The following GPR158 variants were observed in gnomAD, a reference collection of about 807,000 sequenced individuals.
GPR158 encodes metabotropic glycine receptor.
In GPR158, 30 loss-of-function variants were observed where a neutral mutation model predicts 78.2. The ratio of observed to expected loss-of-function variants is 0.38; its 90% CI spans 0.29 to 0.52. GPR158 has a LOEUF of 0.52. Ranked by LOEUF, GPR158 falls within the 20% of genes least tolerant of loss-of-function variation. GPR158 has a pLI of 0.83. For missense variants in GPR158, 1,463 were observed against 1,523.5 expected (o/e 0.96, Z 0.66); for synonymous variants, 581 against 591.1 (o/e 0.98, Z 0.25).
At chr10:25,200,731 T>C (rs1393423031) in intron 1 of GPR158, among the ~76,000 whole-genome samples, 1 of 152,180 alleles carries the variant, frequency 6.6e-6, no homozygotes, top group African/African-American at 2.4e-5. Flanking sequence ...TAGCCAGTTA[T>C]CTCAGCACCA....
intron 10 of GPR158, 123 bp downstream of exon 10, chr10:25,596,912 G>T: frequency 1.3e-6 from 1 of 768,816 alleles, no homozygotes; most frequent in Admixed American, 2.5e-5. Flanking sequence ...GTATGTCTCA[G>T]AAAGAGGGAA....
intron 6 of GPR158, among the ~76,000 whole-genome samples, chr10:25,564,489 G>A (rs1055277702): frequency 1.2e-4 from 19 of 152,238 alleles, no homozygotes; most frequent in Admixed American, 9.8e-4. Context: ...TAAACTTTTA[G>A]ATAAATGACA....
chr10:25,233,618 T>A lies in GPR158; in HGVS notation c.1008+12461T>A, dbSNP rs528811566. Reference sequence around the variant, plus strand: ...CAAATCATCTTTGTCTGCCACTTTTTAAAATATGTCTGTATAATGCAGTCA... The same window carrying A: ...CAAATCATCTTTGTCTGCCACTTTTAAAAATATGTCTGTATAATGCAGTCA... On this transcript the variant is annotated intron_variant, in intron 2 of 10. Transcript: ENST00000376351. 7.1e-4 allele frequency among the ~76,000 whole-genome samples: 108 copies of A among 152,368 alleles called. 2 individuals carry two copies. Among genetic ancestry groups the A allele is most frequent in the African/African-American group, 2.5e-3 (104 of 41,584 alleles).
intron 2 of GPR158, among the ~76,000 whole-genome samples, chr10:25,279,264 A>T (rs1854232999): frequency 6.6e-6 from 1 of 152,204 alleles, no homozygotes; most frequent in South Asian, 2.1e-4. Flanking sequence ...ATGTATATTA[A>T]TGGAAATTGA....
intron 5 of GPR158, among the ~76,000 whole-genome samples, chr10:25,546,448 A>G (rs1299979601): frequency 6.6e-6 from 1 of 152,112 alleles, no homozygotes; most frequent in Non-Finnish European, 1.5e-5. Context: ...CAGGCTTAAA[A>G]TATTACATTA....
chr10:25,235,059 T>C (rs1036033373), intron 2 of GPR158, among the ~76,000 whole-genome samples: 5 of 152,218 alleles, frequency 3.3e-5, no homozygotes, highest in African/African-American at 4.8e-5. Flanking sequence ...GCCCCCTGTG[T>C]AATGATATTT....
intron 2 of GPR158, among the ~76,000 whole-genome samples, chr10:25,262,250 A>G (rs111310922): frequency 0.012 from 1,774 of 152,196 alleles, 25 homozygotes; most frequent in South Asian, 0.058. Context: ...CTTTAGAGAA[A>G]ACTCACATTC....
rs185885956 is a variant in GPR158, at chr10:25,309,457, C to T, written c.1009-86454C>T. 2.4e-3 allele frequency among the ~76,000 whole-genome samples: 362 copies of T among 152,106 alleles called. 1 individual carries two copies. Among genetic ancestry groups the T allele is most frequent in the African/African-American group, 8.5e-3 (351 of 41,476 alleles). ...TTTTCTGTATATTCTGGATATAATG[C>T]ATTATTTGATATATGATTTGCAAAT... is the stretch of plus-strand genomic sequence containing the variant. On this transcript the variant is annotated intron_variant, in intron 2 of 10. Coordinates refer to ENST00000376351, the MANE Select transcript of GPR158 (RefSeq NM_020752.3).
intron 6 of GPR158, among the ~76,000 whole-genome samples, chr10:25,553,359 T>C (rs1484374127): frequency 6.6e-6 from 1 of 152,166 alleles, no homozygotes; most frequent in East Asian, 1.9e-4. Context: ...CTAGAAGTCA[T>C]TGCAGTGAAG....
At chr10:25,426,428 C>G (rs2130568978) in intron 4 of GPR158, among the ~76,000 whole-genome samples, 1 of 152,200 alleles carries the variant, frequency 6.6e-6, no homozygotes, top group South Asian at 2.1e-4. Context: ...ATATGCCTCC[C>G]TAAGTGTAAT....
chr10:25,209,879 G>A (rs1457343584), intron 1 of GPR158, among the ~76,000 whole-genome samples: 2 of 152,148 alleles, frequency 1.3e-5, no homozygotes, highest in Admixed American at 6.6e-5. Context: ...TTTCTCTGTC[G>A]TTAAAGCCCT....
intron 7 of GPR158, among the ~76,000 whole-genome samples, chr10:25,574,106 T>C (rs1288051269): frequency 7.1e-6 from 1 of 141,770 alleles, no homozygotes; most frequent in African/African-American, 2.7e-5. Context: ...CCTTGTATTC[T>C]TATGAAGCAA....
rs1249476788 is a variant in GPR158 at position 25,602,053 on chromosome 10, C to T, written c.*2779C>T. ...CTTTTGACTTCTAGCATTTAGCAACCGAGAGTCGTAGAGTCAATAAAGCTG... is the reference window on the plus strand; with the variant it reads ...CTTTTGACTTCTAGCATTTAGCAACTGAGAGTCGTAGAGTCAATAAAGCTG... On this transcript the variant is annotated 3_prime_UTR_variant, in exon 11 of 11. Coordinates refer to ENST00000376351, the MANE Select transcript of GPR158 (RefSeq NM_020752.3). The T allele has an allele frequency of 2.0e-5, 3 of 152,154 alleles. No homozygotes were observed. The highest frequency in any genetic ancestry group is 4.4e-5 in the Non-Finnish European group (3 of 67,890). The allele number at this position is 152,154 out of a possible 1,614,324, so 9.4% of individuals were successfully genotyped here. A position where few individuals can be genotyped will look rare whatever the true frequency, so the allele number is the denominator to read the frequency against.
chr10:25,277,866 C>A (rs1186901180), intron 2 of GPR158, among the ~76,000 whole-genome samples: 1 of 152,186 alleles, frequency 6.6e-6, no homozygotes, highest in East Asian at 1.9e-4. Flanking sequence ...TTTGCAACTA[C>A]AGACCTCAGG....
chr10:25,298,357 T>G (rs916241234), intron 2 of GPR158, among the ~76,000 whole-genome samples: 1 of 152,220 alleles, frequency 6.6e-6, no homozygotes, highest in African/African-American at 2.4e-5. Flanking sequence ...AACAGGTCTT[T>G]TCTTTAAAAA....
At chr10:25,296,485 A>C (rs1007199576) in intron 2 of GPR158, among the ~76,000 whole-genome samples, 1 of 151,374 alleles carries the variant, frequency 6.6e-6, no homozygotes, top group Non-Finnish European at 1.5e-5. Flanking sequence ...CTTTCTATCT[A>C]TATCTAATCT....
chr10:25,288,611 C>T (rs146811424), intron 2 of GPR158, among the ~76,000 whole-genome samples: 343 of 152,256 alleles, frequency 2.3e-3, no homozygotes, highest in African/African-American at 7.9e-3. Flanking sequence ...TTTCAGATTG[C>T]CATGTAATTG....
chr10:25,256,173 G>GAAACAAAAAAAAAAAAAAAAAAAAAA (rs1853886066), intron 2 of GPR158, among the ~76,000 whole-genome samples: 1 of 136,770 alleles, frequency 7.3e-6, no homozygotes. Context: ...ACTTTCGACT[G>GAAACAAAAAAAAAAAAAAAAAAAAAA]AAAAAAAAAA....
In GPR158 at chr10:25,599,299, G is replaced by A. The variant is rs1452156834; in HGVS notation, c.*25G>A. The A allele has an allele frequency of 2.0e-6, 3 of 1,530,244 alleles. No homozygotes were observed. Among genetic ancestry groups the A allele is most frequent in the African/African-American group, 2.8e-5 (2 of 71,788 alleles). The allele number at this position is 1,530,244 out of a possible 1,614,324, so 94.8% of individuals were successfully genotyped here. On this transcript the variant is annotated 3_prime_UTR_variant, in exon 11 of 11. Transcript: ENST00000376351. ...GCATCTCCAGGAAGAAGAGGAAAAG[G>A]AGGGAACCCCGGATTGGATATGAGA...
Sources: allele counts gnomAD v4.1 joint callset (sites outside exome capture counted in the v4.1 genomes callset), GRCh38; gene constraint gnomAD v4.1.1; transcripts MANE v1.5; gene names NCBI Gene and HGNC (gene_info 2026-07-23, HGNC 2026-07-21).